The following DCDC2 variants were observed in gnomAD, a reference collection of about 807,000 sequenced individuals.
DCDC2 encodes doublecortin domain-containing protein 2.
Under a neutral mutation model 50.2 loss-of-function variants are expected in DCDC2, and 40 were observed. The observed-to-expected ratio is 0.80, with a 90% confidence interval of 0.62 to 1.04. The LOEUF (loss-of-function observed/expected upper bound fraction) is 1.04, where lower values mean the gene tolerates loss of function less well. DCDC2 is among the 50% of genes least tolerant of loss of function. The pLI is 0.00. For missense variants in DCDC2, 570 were observed against 581.9 expected (o/e 0.98, Z 0.21); for synonymous variants, 234 against 210.6 (o/e 1.11, Z -0.96).
intron 8 of DCDC2, among the ~76,000 whole-genome samples, chr6:24,190,370 C>T (rs793847): frequency 0.63 from 95,390 of 151,940 alleles, 31,370 homozygotes; most frequent in Non-Finnish European, 0.71. Flanking sequence ...TTTGGTTTTT[C>T]GTCCTTGTGG....
At chr6:24,327,453 C>CTTATTTATTTATTTAT (rs58552034) in intron 2 of DCDC2, among the ~76,000 whole-genome samples, 3,679 of 136,648 alleles carry the variant, frequency 0.027, 204 homozygotes, top group African/African-American at 0.043. Flanking sequence ...ACATTATAAA[C>CTTATTTATTTATTTAT]TTATTTATTT....
At position 24,173,514 on chromosome 6, in the gene DCDC2, G is replaced by A. The variant is rs561913362; in HGVS notation, c.*1216C>T. 13 of 152,196 alleles carry A rather than the reference G, an allele frequency of 8.5e-5. No individual in the cohort carries two copies. In the South Asian group the frequency reaches 1.9e-3, roughly 22 times the overall value. The allele number at this position is 152,196 out of a possible 1,614,324, so 9.4% of individuals were successfully genotyped here. On this transcript the variant is annotated 3_prime_UTR_variant, in exon 10 of 10. Transcript: ENST00000378454. The stretch of plus-strand genomic sequence containing the variant: ...TCTCTTAAGAATTCATAAAAAGGAC[G>A]AAATTATGTTTTAATTATGTTTTTA...
At chr6:24,305,607 G>A (rs1465018466) in intron 2 of DCDC2, among the ~76,000 whole-genome samples, 1 of 152,174 alleles carries the variant, frequency 6.6e-6, no homozygotes, top group Non-Finnish European at 1.5e-5. Context: ...GGGGATAAAG[G>A]GTTGGTCAGT....
chr6:24,214,536 T>A (rs113223560), intron 7 of DCDC2, among the ~76,000 whole-genome samples: 92 of 152,344 alleles, frequency 6.0e-4, no homozygotes, highest in African/African-American at 1.9e-3. Flanking sequence ...TTCTAAAGTC[T>A]ATATCTGATA....
chr6:24,324,142 CA>C (rs1286253115), intron 2 of DCDC2, among the ~76,000 whole-genome samples: 1 of 150,850 alleles, frequency 6.6e-6, no homozygotes, highest in Non-Finnish European at 1.5e-5. Flanking sequence ...ACTTTCACAT[CA>C]AAACTGCACC....
intron 6 of DCDC2, among the ~76,000 whole-genome samples, chr6:24,282,741 T>C (rs534409940): frequency 3.3e-5 from 4 of 119,804 alleles, no homozygotes; most frequent in African/African-American, 9.7e-5. Flanking sequence ...ATGTATTTCA[T>C]GGGTGCACCC....
At chr6:24,215,631 A>G (rs1761956503) in intron 7 of DCDC2, among the ~76,000 whole-genome samples, 1 of 152,224 alleles carries the variant, frequency 6.6e-6, no homozygotes. Flanking sequence ...AAGCCACCAA[A>G]GGCAATACAT....
intron 7 of DCDC2, among the ~76,000 whole-genome samples, chr6:24,211,888 T>C (rs1045534094): frequency 3.9e-5 from 6 of 152,102 alleles, no homozygotes; most frequent in African/African-American, 7.2e-5. Flanking sequence ...ACAACAGCCA[T>C]AGGAAAATGA....
intron 7 of DCDC2, among the ~76,000 whole-genome samples, chr6:24,230,139 A>T (rs1484981539): frequency 6.6e-6 from 1 of 152,244 alleles, no homozygotes; most frequent in South Asian, 2.1e-4. Context: ...TTTACTGAGC[A>T]TCATGTTAAA....
intron 7 of DCDC2, among the ~76,000 whole-genome samples, chr6:24,261,678 T>C (rs1561747998): frequency 6.6e-6 from 1 of 152,164 alleles, no homozygotes; most frequent in East Asian, 1.9e-4. Context: ...TTTCTCATCC[T>C]TATGTCTTAC....
At chr6:24,374,161 CAAAAAA>C in the DCDC2 span, among the ~76,000 whole-genome samples, 1 of 59,052 alleles carries the variant, frequency 1.7e-5, no homozygotes, top group African/African-American at 5.8e-5. Context: ...GACTCCATTT[CAAAAAA>C]AAAAAAAAAA....
intron 2 of DCDC2, among the ~76,000 whole-genome samples, chr6:24,312,966 T>G (rs1281238413): frequency 6.6e-6 from 1 of 152,188 alleles, no homozygotes; most frequent in Non-Finnish European, 1.5e-5. Context: ...AAGTATATAT[T>G]AAGTAAATGT....
chr6:24,220,114 G>T (rs1762066119), intron 7 of DCDC2, among the ~76,000 whole-genome samples: 1 of 152,180 alleles, frequency 6.6e-6, no homozygotes, highest in South Asian at 2.1e-4. Flanking sequence ...TAAGCCTAAG[G>T]TAAAGAGGGT....
intron 8 of DCDC2, among the ~76,000 whole-genome samples, chr6:24,180,947 AG>A (rs1187991172): frequency 5.9e-5 from 9 of 152,256 alleles, no homozygotes; most frequent in African/African-American, 2.2e-4. Flanking sequence ...TCAAAAATAA[AG>A]TCTCAGATTT....
At chr6:24,177,777 T>TCC (rs1240848693) in intron 9 of DCDC2, among the ~76,000 whole-genome samples, 1 of 152,246 alleles carries the variant, frequency 6.6e-6, no homozygotes, top group Non-Finnish European at 1.5e-5. Context: ...TTATCCTCTC[T>TCC]GTATAATAAA....
At chr6:24,289,299 T>C (rs1763687195) in intron 5 of DCDC2, among the ~76,000 whole-genome samples, 1 of 152,228 alleles carries the variant, frequency 6.6e-6, no homozygotes, top group South Asian at 2.1e-4. Context: ...GTCTTCTATG[T>C]CTACCTCTGA....
At chr6:24,309,274 G>A (rs910309278) in intron 2 of DCDC2, among the ~76,000 whole-genome samples, 15 of 147,316 alleles carry the variant, frequency 1.0e-4, no homozygotes, top group Non-Finnish European at 2.1e-4. Flanking sequence ...GCAGTGAGAC[G>A]AGATCACGCC....
chr6:24,304,132 G>T (rs958223744), intron 2 of DCDC2, among the ~76,000 whole-genome samples: 23 of 152,102 alleles, frequency 1.5e-4, no homozygotes, highest in African/African-American at 5.1e-4. Flanking sequence ...AAGCACACAG[G>T]TTCTTAGCCC....
intron 2 of DCDC2, among the ~76,000 whole-genome samples, chr6:24,348,057 AT>A (rs1466210170): frequency 6.6e-6 from 1 of 152,246 alleles, no homozygotes; most frequent in Non-Finnish European, 1.5e-5. Context: ...TCTGATGTAT[AT>A]GTTAAAGCCT....
Sources: allele counts gnomAD v4.1 joint callset (sites outside exome capture counted in the v4.1 genomes callset), GRCh38; gene constraint gnomAD v4.1.1; transcripts MANE v1.5; gene names NCBI Gene and HGNC (gene_info 2026-07-23, HGNC 2026-07-21).